KCNAB2: variants seen among roughly 807,000 people sequenced by gnomAD.
KCNAB2 encodes voltage-gated potassium channel subunit beta-2.
Under a neutral mutation model 63.6 loss-of-function variants are expected in KCNAB2, and 29 were observed. The observed-to-expected ratio is 0.46, with a 90% CI of 0.34 to 0.62. The LOEUF (loss-of-function observed/expected upper bound fraction) is 0.62, where lower values mean the gene tolerates loss of function less well. KCNAB2 is among the 20% of genes least tolerant of loss of function. The probability of loss-of-function intolerance (pLI) is 0.01; values close to 1 mark genes in which losing one functional copy is unlikely to be tolerated. For synonymous variants in KCNAB2, 222 were observed against 224.2 expected (o/e 0.99, Z 0.09); for missense variants, 359 against 563.9 (o/e 0.64, Z 3.68).
Position 6,069,702 on chromosome 1 carries a change from G to A in KCNAB2, c.219-3053G>A, listed in dbSNP as rs1275147612. On this transcript the variant is annotated intron_variant, in intron 2 of 15. Transcript: ENST00000378083. This position sits in a 1 kb window ranked among gnomAD's most constrained non-coding sequence, Gnocchi z 5.4. ...ACGTGTGCTCCCCACCCCACACGCA[G>A]CAGCCATGCTTACAAAGCGTTCAGC... Among the ~76,000 whole-genome samples the A allele has an allele frequency of 6.6e-6, 1 of 152,210 alleles. No homozygotes were observed. Among genetic ancestry groups the A allele is most frequent in the Non-Finnish European group, 1.5e-5 (1 of 68,038 alleles).
chr1:6,046,991 G>C (rs780806420), intron 1 of KCNAB2, among the ~76,000 whole-genome samples: 2 of 152,124 alleles, frequency 1.3e-5, no homozygotes, highest in Non-Finnish European at 2.9e-5. Flanking sequence ...AATTCCCCTG[G>C]GCCCCTGATC....
chr1:6,092,796 G>A (rs1175652286), intron 10 of KCNAB2, among the ~76,000 whole-genome samples: 1 of 152,250 alleles, frequency 6.6e-6, no homozygotes, highest in African/African-American at 2.4e-5. Flanking sequence ...CCCAGGAGGG[G>A]ACAGAGAGGA....
In KCNAB2 at chr1:6,087,322, A is replaced by G; in HGVS notation, c.426-145A>G. 1.2e-6 allele frequency: 1 copy of G among 857,470 alleles called. No homozygotes were observed. Among genetic ancestry groups the G allele is most frequent in the Non-Finnish European group, 2.0e-6 (1 of 508,200 alleles). 53.1% of individuals were successfully genotyped at this position (857,470 alleles called of 1,614,324 possible). A position where few individuals can be genotyped will look rare whatever the true frequency, so the allele number is the denominator to read the frequency against. ...CTGGGCACGTGGTACACATCATATG[A>G]TGGAGAAGTGCCCATTTCATGCCCC... On this transcript the variant is annotated intron_variant, in intron 6 of 15. Coordinates refer to ENST00000378083, the MANE Select transcript of KCNAB2 (RefSeq NM_001199862.2). This position sits in a 1 kb window ranked among gnomAD's most constrained non-coding sequence, Gnocchi z 6.4.
intron 2 of KCNAB2, among the ~76,000 whole-genome samples, chr1:6,059,767 G>A (rs1662149885): frequency 6.6e-6 from 1 of 152,144 alleles, no homozygotes; most frequent in Non-Finnish European, 1.5e-5. Context: ...CCCCTTTCTG[G>A]GCTCCTAGAG....
intron 1 of KCNAB2, among the ~76,000 whole-genome samples, chr1:6,004,268 C>G (rs191018867): frequency 6.6e-6 from 1 of 150,984 alleles, no homozygotes; most frequent in African/African-American, 2.4e-5. Context: ...GCTGTGTTAC[C>G]GAGTCTGGTC....
chr1:6,095,314 C>A lies in KCNAB2; in HGVS notation c.733-9C>A, dbSNP rs1207886186. 1.2e-6 allele frequency: 2 copies of A among 1,610,970 alleles called. No homozygotes were observed. ...CAAGGGCCCTCGGGGTCCCTTTCTG[C>A]CTTCACAGGAGGCCTACTCCGTGGC... On this transcript the variant is annotated splice_polypyrimidine_tract_variant and intron_variant, in intron 11 of 15. Transcript: ENST00000378083.
intron 1 of KCNAB2, among the ~76,000 whole-genome samples, chr1:6,008,733 C>G (rs1657974654): frequency 6.6e-6 from 1 of 152,086 alleles, no homozygotes; most frequent in South Asian, 2.1e-4. Flanking sequence ...AGGGAAGTGG[C>G]TGAGGGAGTG....
intron 1 of KCNAB2, among the ~76,000 whole-genome samples, chr1:5,993,866 G>A (rs1481263641): frequency 6.6e-6 from 1 of 152,180 alleles, no homozygotes; most frequent in Non-Finnish European, 1.5e-5. Context: ...GAAGGCAGGG[G>A]TCTTGACCCT....
At chr1:6,014,199 A>G (rs1570861797) in intron 1 of KCNAB2, among the ~76,000 whole-genome samples, 1 of 152,140 alleles carries the variant, frequency 6.6e-6, no homozygotes. Context: ...TGCTGCTCAG[A>G]TGGGTGTCCT....
chr1:6,047,365 G>A (rs1230071052), intron 1 of KCNAB2, among the ~76,000 whole-genome samples: 1 of 152,154 alleles, frequency 6.6e-6, no homozygotes, highest in Non-Finnish European at 1.5e-5. Flanking sequence ...GAGTCCAGAG[G>A]TGTCCTCTGT....
intron 1 of KCNAB2, among the ~76,000 whole-genome samples, chr1:6,039,728 C>T (rs1660340901): frequency 6.6e-6 from 1 of 152,166 alleles, no homozygotes; most frequent in South Asian, 2.1e-4. Flanking sequence ...CAGGCTCCCT[C>T]GTTCGTTTGA....
chr1:6,094,370 C>A lies in KCNAB2; in HGVS notation c.647-30C>A, dbSNP rs777458625. ...CTGGCCCTGAGCCCTGGCTGCCCCC[C>A]ACCTGCGGTTTCCCTTTCTCTCACG... On this transcript the variant is annotated intron_variant, in intron 10 of 15. Coordinates refer to ENST00000378083, the MANE Select transcript of KCNAB2 (RefSeq NM_001199862.2). 60 of 1,577,322 alleles carry A rather than the reference C, an allele frequency of 3.8e-5. 2 individuals are homozygous for A. The highest frequency in any genetic ancestry group is 3.4e-4 in the South Asian group (30 of 87,732).
At chr1:6,050,159 C>A (rs1285800621) in intron 1 of KCNAB2, among the ~76,000 whole-genome samples, 1 of 152,228 alleles carries the variant, frequency 6.6e-6, no homozygotes, top group Non-Finnish European at 1.5e-5. Context: ...AGCTCCTTCC[C>A]AGGGATAATC....
chr1:6,076,736 C>T (rs1034989934), intron 4 of KCNAB2, among the ~76,000 whole-genome samples: 3 of 152,172 alleles, frequency 2.0e-5, no homozygotes, highest in African/African-American at 4.8e-5. Context: ...CCTTGTCCCC[C>T]CAGATGAGGG....
chr1:6,044,886 C>T (rs771514972), upstream of KCNAB2, among the ~76,000 whole-genome samples: 2 of 152,122 alleles, frequency 1.3e-5, no homozygotes, highest in Non-Finnish European at 2.9e-5. Context: ...TGGGCAGGTG[C>T]TGAGACAGAA....
rs1657635599 is a variant in KCNAB2 at position 6,005,797 on chromosome 1, C to CA, written c.-53+13009_-53+13010insA. On this transcript the variant is annotated intron_variant, in intron 1 of 16. Coordinates refer to the KCNAB2 transcript ENST00000341524. ...GGGTCTCCCTGCCCAGGATGCCGGC[C>CA]GGAGTTTCCCCTGGCAGGGACCACG... 5.3e-5 allele frequency among the ~76,000 whole-genome samples: 8 copies of CA among 151,988 alleles called. No individual in the cohort carries two copies. The South Asian group carries it at 1.7e-3, about 32-fold the overall frequency.
At chr1:6,046,371 G>A (rs189159990) in intron 1 of KCNAB2, among the ~76,000 whole-genome samples, 188 bp downstream of exon 1, 1 of 152,210 alleles carries the variant, frequency 6.6e-6, no homozygotes, top group Non-Finnish European at 1.5e-5. Flanking sequence ...AACTTGGAAT[G>A]ACCGTGATGG....
Position 6,003,284 on chromosome 1 carries a change from A to T in KCNAB2, c.-53+10496A>T, listed in dbSNP as rs1042833309. On this transcript the variant is annotated intron_variant, in intron 1 of 16. Transcript: ENST00000341524. This position sits in a 1 kb window ranked among gnomAD's most constrained non-coding sequence, Gnocchi z 4.1. ...AGCCTCCTGCGGGATTCCCCATCCC[A>T]CCCCTGGAACTTGCTTTCCCTGCTT... Among the ~76,000 whole-genome samples the T allele has an allele frequency of 2.0e-5, 3 of 151,898 alleles. No individual in the cohort carries two copies. The highest frequency in any genetic ancestry group is 4.4e-5 in the Non-Finnish European group (3 of 67,932).
chr1:6,082,292 C>A lies in KCNAB2; in HGVS notation c.380+18C>A. ...GCCGGCAAGTACGTGTCTTTTCACA[C>A]GGGAAAAAGTGGTTCAGAATGCCTG... On this transcript the variant is annotated intron_variant, in intron 5 of 15. Coordinates refer to ENST00000378083, the MANE Select transcript of KCNAB2 (RefSeq NM_001199862.2). 6.2e-7 allele frequency: 1 copy of A among 1,600,944 alleles called. No individual in the cohort carries two copies. Among genetic ancestry groups the A allele is most frequent in the Non-Finnish European group, 8.6e-7 (1 of 1,168,314 alleles).
Sources: allele counts gnomAD v4.1 joint callset (sites outside exome capture counted in the v4.1 genomes callset), GRCh38; gene constraint gnomAD v4.1.1; non-coding constraint Gnocchi (gnomAD v3.1); transcripts MANE v1.5; gene names NCBI Gene and HGNC (gene_info 2026-07-23, HGNC 2026-07-21).